Variants in PKD1L3 observed in about 807,000 individuals in gnomAD.
PKD1L3 encodes the protein polycystin 1 like 3, transient receptor potential channel interacting.
In PKD1L3, 239 loss-of-function variants were observed where a neutral mutation model predicts 184.1. The observed-to-expected ratio is 1.30, with a 90% CI of 1.17 to 1.45. The LOEUF is 1.45. PKD1L3 is among the 40% of genes most tolerant of loss of function. The pLI, the probability that PKD1L3 is intolerant of heterozygous loss-of-function variation, is 0.00. For synonymous variants in PKD1L3, 996 were observed against 778.8 expected (o/e 1.28, Z -4.64); for missense variants, 2,660 against 2,067.2 (o/e 1.29, Z -5.56).
chr16:71,977,095 C>G, intron 11 of PKD1L3, 141 bp downstream of exon 11: 1 of 682,200 alleles, frequency 1.5e-6, no homozygotes, highest in Admixed American at 2.7e-5. Context: ...CACTTGTAGT[C>G]CCAGCTACTT....
chr16:71,956,381 A>G (rs1402932351), intron 16 of PKD1L3, among the ~76,000 whole-genome samples: 1 of 151,452 alleles, frequency 6.6e-6, no homozygotes, highest in East Asian at 1.9e-4. Flanking sequence ...TTTAGTAGAG[A>G]TGGAGTTTCA....
rs1767953954 is a variant in PKD1L3, at chr16:71,949,793, T to A, written c.3608A>T (p.Gln1203Leu). The change falls in exon 21 of 30, where the codon CAG becomes CTG. Residue 1203 changes from glutamine (Q) to leucine (L), a missense_variant. By Grantham distance (113) the Gln-to-Leu change is moderately radical (BLOSUM62 -2). Transcript: ENST00000620267. ...CCATCCCTCACATACCTTTACTGGC[T>A]GGCTGATGAAGATGTTCTGAAGCAC... is the stretch of plus-strand genomic sequence containing the variant. ...LSVLQNIFIS[Q>L]PVKVVFFTFL... 5 of 1,550,236 alleles carry A rather than the reference T, an allele frequency of 3.2e-6. No individual in the cohort carries two copies. Among genetic ancestry groups the A allele is most frequent in the Non-Finnish European group, 4.4e-6 (5 of 1,146,584 alleles).
chr16:71,932,390 C>T (rs1201845343), intron 28 of PKD1L3, among the ~76,000 whole-genome samples: 2 of 152,232 alleles, frequency 1.3e-5, no homozygotes, highest in Non-Finnish European at 2.9e-5. Flanking sequence ...AAATAATAGG[C>T]TCTCTGAAGT....
chr16:71,975,954 G>A (rs1322087610), intron 11 of PKD1L3, among the ~76,000 whole-genome samples: 2 of 64,978 alleles, frequency 3.1e-5, no homozygotes, highest in Admixed American at 2.5e-4. Flanking sequence ...AGCTGTTTCT[G>A]TTCTTTTTTT....
At position 71,929,655 on chromosome 16, in the gene PKD1L3, T is replaced by G; in HGVS notation, c.5082A>C (p.Thr1694=). Reference sequence around the variant, plus strand: ...ACAAATTTGAGAGCTTCTGTAGCAGTGTATCTATTAGTGCAGCTTCTTTCT... The same window carrying G: ...ACAAATTTGAGAGCTTCTGTAGCAGGGTATCTATTAGTGCAGCTTCTTTCT... ...SLKKEAALID[T]LLQKLSNLLG... The change falls in exon 30 of 30, where the codon ACA becomes ACC. Residue 1694 remains threonine (T), a synonymous_variant. Transcript: ENST00000620267. The G allele has an allele frequency of 6.4e-6, 10 of 1,551,168 alleles. No individual in the cohort carries two copies. The highest frequency in any genetic ancestry group is 7.8e-6 in the Non-Finnish European group (9 of 1,146,672).
In PKD1L3 at chr16:71,978,252, T is replaced by TAC. The variant is rs371876743; in HGVS notation, c.1527+1_1527+2dup. ...ATTTTATTCCCTAAGAATCAGTTCC[T>TAC]ACCTCAATGTCCTCCATTAAATCAT... On this transcript the variant is annotated splice_region_variant and intron_variant, in intron 10 of 29. Transcript: ENST00000620267. 1.4e-4 allele frequency: 212 copies of TAC among 1,548,428 alleles called. No individual in the cohort carries two copies. In the African/African-American group the frequency reaches 2.5e-3, roughly 18 times the overall value.
chr16:71,978,954 G>T (rs1182582819), intron 9 of PKD1L3, among the ~76,000 whole-genome samples: 1 of 152,062 alleles, frequency 6.6e-6, no homozygotes, highest in East Asian at 1.9e-4. Flanking sequence ...TTATCGTTGG[G>T]ATCCCCAGAA....
chr16:71,992,915 C>T (rs1301667066), intron 3 of PKD1L3, among the ~76,000 whole-genome samples: 1 of 152,132 alleles, frequency 6.6e-6, no homozygotes, highest in Non-Finnish European at 1.5e-5. Context: ...GTGATAACAC[C>T]ATAATTTGAA....
intron 24 of PKD1L3, among the ~76,000 whole-genome samples, chr16:71,937,708 C>A (rs2038228275): frequency 6.6e-6 from 1 of 152,116 alleles, no homozygotes; most frequent in African/African-American, 2.4e-5. Context: ...ATAGATGTTA[C>A]CCTATCCATG....
At chr16:71,955,913 C>G (rs1448911159) in intron 16 of PKD1L3, among the ~76,000 whole-genome samples, 3 of 152,136 alleles carry the variant, frequency 2.0e-5, no homozygotes, top group Non-Finnish European at 4.4e-5. Flanking sequence ...CTGAGGCCTC[C>G]CAAGCCATGC....
At chr16:71,976,403 C>T (rs1337787780) in intron 11 of PKD1L3, among the ~76,000 whole-genome samples, 1 of 150,786 alleles carries the variant, frequency 6.6e-6, no homozygotes, top group East Asian at 2.0e-4. Context: ...TTACAGGTGC[C>T]CGCCACCACA....
At position 71,954,114 on chromosome 16, in the gene PKD1L3, C is replaced by G. The variant is rs2143415696; in HGVS notation, c.2800G>C (p.Asp934His). The G allele has an allele frequency of 6.5e-7, 1 of 1,536,106 alleles. No homozygotes were observed. Among genetic ancestry groups the G allele is most frequent in the South Asian group, 1.2e-5 (1 of 81,292 alleles). ...WKINSTTAKR[D>H]EQMRPFAVAW... ...CAGGGCTCATCCATACTTTGCTCAT[C>G]TCTCTTGGCAGTGGTGCTGTTTATC... The change falls in exon 17 of 30, where the codon GAT (aspartate) becomes CAT (histidine). Residue 934 changes from aspartate (D) to histidine (H), a missense_variant. Transcript: ENST00000620267.
chr16:71,998,808 T>G (rs1216981424), intron 1 of PKD1L3, among the ~76,000 whole-genome samples: 1 of 152,164 alleles, frequency 6.6e-6, no homozygotes, highest in Non-Finnish European at 1.5e-5. Flanking sequence ...TTCCAATAGA[T>G]AAAAATGTAG....
At chr16:71,951,498 G>A (rs543097250) in intron 19 of PKD1L3, 66 bp downstream of exon 19, 5 of 1,438,878 alleles carry the variant, frequency 3.5e-6, no homozygotes, top group African/African-American at 1.4e-5. Context: ...GAGTAAGAAA[G>A]TAAGACATAT....
chr16:71,969,012 CCT>C (rs1337528008), intron 13 of PKD1L3, among the ~76,000 whole-genome samples: 1 of 151,998 alleles, frequency 6.6e-6, no homozygotes, highest in Non-Finnish European at 1.5e-5. Context: ...CTCACCGCAA[CCT>C]CTGTCTCCCG....
At chr16:71,978,542 C>CT (rs11329882) in intron 9 of PKD1L3, among the ~76,000 whole-genome samples, 159 bp from the exon 10 acceptor site, 1,179 of 57,784 alleles carry the variant, frequency 0.02, 24 homozygotes, top group African/African-American at 0.054. Flanking sequence ...TACATACATA[C>CT]TTTTTTTTTT....
At chr16:71,982,279 T>A in intron 6 of PKD1L3, 44 bp from the exon 7 acceptor site, 4 of 133,052 alleles carry the variant, frequency 3.0e-5, no homozygotes, top group Non-Finnish European at 4.7e-5. Context: ...AATTGTTTGC[T>A]TTTTTTTTTT....
intron 3 of PKD1L3, among the ~76,000 whole-genome samples, chr16:71,991,456 GA>G (rs1227393660): frequency 2.0e-5 from 3 of 152,044 alleles, no homozygotes; most frequent in Non-Finnish European, 2.9e-5. Context: ...ATTTCAAGAT[GA>G]CAAAAAAAAT....
chr16:71,981,732 A>G (rs975188105), intron 7 of PKD1L3, among the ~76,000 whole-genome samples: 1 of 151,804 alleles, frequency 6.6e-6, no homozygotes, highest in South Asian at 2.1e-4. Flanking sequence ...GTAGAGATGC[A>G]GTTTCGCCAT....
Sources: allele counts gnomAD v4.1 joint callset (sites outside exome capture counted in the v4.1 genomes callset), GRCh38; gene constraint gnomAD v4.1.1; transcripts MANE v1.5; gene names NCBI Gene and HGNC (gene_info 2026-07-23, HGNC 2026-07-21).